The following PLCB1 variants were observed in gnomAD, a reference collection of about 807,000 sequenced individuals.
The protein encoded by PLCB1 is phospholipase C beta 1.
In PLCB1, 46 loss-of-function variants were observed where a neutral mutation model predicts 161.8. The observed-to-expected ratio is 0.28, with a 90% CI of 0.22 to 0.36. The LOEUF is 0.36. Among genes scored for constraint, PLCB1 ranks in the 10% least tolerant of loss-of-function variants. The probability of loss-of-function intolerance (pLI) is 1.00; values close to 1 mark genes in which losing one functional copy is unlikely to be tolerated. For synonymous variants in PLCB1, 517 were observed against 503.7 expected (o/e 1.03, Z -0.35); for missense variants, 1,016 against 1,472.5 (o/e 0.69, Z 5.07).
chr20:8,871,721 C>T (rs180833642), intron 31 of PLCB1, among the ~76,000 whole-genome samples: 22 of 152,214 alleles, frequency 1.4e-4, no homozygotes, highest in African/African-American at 5.3e-4. Flanking sequence ...CCACCAAGTA[C>T]CATAACTGAC....
intron 31 of PLCB1, among the ~76,000 whole-genome samples, chr20:8,873,101 G>A (rs893661383): frequency 5.3e-5 from 8 of 152,128 alleles, no homozygotes; most frequent in Admixed American, 5.2e-4. Flanking sequence ...TTTATTCTAA[G>A]GAAACTTAGT....
intron 31 of PLCB1, among the ~76,000 whole-genome samples, chr20:8,828,405 T>C (rs1985816743): frequency 6.6e-6 from 1 of 152,120 alleles, no homozygotes; most frequent in African/African-American, 2.4e-5. Flanking sequence ...ATTATCTTCC[T>C]TTTTTTTAAA....
chr20:8,661,408 G>C (rs1404337549), intron 9 of PLCB1, among the ~76,000 whole-genome samples: 2 of 152,084 alleles, frequency 1.3e-5, no homozygotes, highest in African/African-American at 4.8e-5. Context: ...CCAACGGCTA[G>C]AATATGGCTA....
At chr20:8,683,254 A>G (rs1418316298) in intron 9 of PLCB1, among the ~76,000 whole-genome samples, 3 of 152,234 alleles carry the variant, frequency 2.0e-5, no homozygotes, top group Non-Finnish European at 4.4e-5. Flanking sequence ...ATACACACCA[A>G]TGTTTTAGCA....
Position 8,259,177 on chromosome 20 carries a change from G to T in PLCB1, c.177+108806G>T, listed in dbSNP as rs576728992. ...CCCATTCCCCACTTGAAGGACATTT[G>T]TTTCTAGTTTTTGGTAATTACAACA... On this transcript the variant is annotated intron_variant, in intron 2 of 31. Coordinates refer to ENST00000338037, the MANE Select transcript of PLCB1 (RefSeq NM_015192.4). Among the ~76,000 whole-genome samples, 29 of 152,112 alleles carry T rather than the reference G, an allele frequency of 1.9e-4. 1 individual carries two copies. The highest frequency in any genetic ancestry group is 7.2e-4 in the Admixed American group (11 of 15,272).
intron 2 of PLCB1, among the ~76,000 whole-genome samples, chr20:8,187,692 C>T (rs2051920290): frequency 1.3e-5 from 2 of 152,084 alleles, no homozygotes; most frequent in African/African-American, 4.8e-5. Flanking sequence ...TTTTTTCCTT[C>T]TGCTTCTCAC....
intron 10 of PLCB1, among the ~76,000 whole-genome samples, chr20:8,688,011 C>T (rs556014443): frequency 1.3e-5 from 2 of 152,136 alleles, no homozygotes; most frequent in Admixed American, 1.3e-4. Context: ...TTTTTTGATT[C>T]TTGGATTATG....
chr20:8,141,318 T>G (rs2051400840), intron 1 of PLCB1, among the ~76,000 whole-genome samples: 1 of 152,120 alleles, frequency 6.6e-6, no homozygotes, highest in African/African-American at 2.4e-5. Flanking sequence ...AAAACCTCAT[T>G]GCTGCTTTGA....
At chr20:8,473,684 T>C (rs895596982) in intron 3 of PLCB1, among the ~76,000 whole-genome samples, 5 of 152,168 alleles carry the variant, frequency 3.3e-5, no homozygotes, top group Admixed American at 6.5e-5. Flanking sequence ...TTCTCCAAAA[T>C]AGAAAATGAC....
chr20:8,803,777 TTTTGTTTG>T (rs148420606), intron 31 of PLCB1, among the ~76,000 whole-genome samples: 50 of 151,136 alleles, frequency 3.3e-4, no homozygotes, highest in Middle Eastern at 3.4e-3. Context: ...GTTTTGTGTT[TTTTGTTTG>T]TTTGTTTGTT....
At chr20:8,321,956 A>G (rs1310801444) in intron 2 of PLCB1, among the ~76,000 whole-genome samples, 1 of 152,122 alleles carries the variant, frequency 6.6e-6, no homozygotes, top group Non-Finnish European at 1.5e-5. Context: ...GGGCATGCTG[A>G]AAGTATCAAG....
intron 2 of PLCB1, among the ~76,000 whole-genome samples, chr20:8,232,363 C>G (rs115865363): frequency 0.019 from 2,879 of 152,242 alleles, 67 homozygotes; most frequent in South Asian, 0.064. Flanking sequence ...GAAGTTCCAT[C>G]ATTTATAACC....
intron 4 of PLCB1, among the ~76,000 whole-genome samples, chr20:8,643,028 T>G (rs1490921862): frequency 6.6e-6 from 1 of 152,248 alleles, no homozygotes; most frequent in Non-Finnish European, 1.5e-5. Flanking sequence ...ATAGTTACTG[T>G]GAAATGCTCT....
chr20:8,247,641 A>AACACACACAC lies in PLCB1; in HGVS notation c.177+97287_177+97296dup, dbSNP rs113727213. ...CAGCACACACACACACATACACGCA[A>AACACACACAC]ACACACACACACACACACACACACA... is the stretch of plus-strand genomic sequence containing the variant. On this transcript the variant is annotated intron_variant, in intron 2 of 31. Coordinates refer to ENST00000338037, the MANE Select transcript of PLCB1 (RefSeq NM_015192.4). 6.3e-4 allele frequency among the ~76,000 whole-genome samples: 93 copies of AACACACACAC among 147,352 alleles called. 1 individual carries two copies. Among genetic ancestry groups the AACACACACAC allele is most frequent in the African/African-American group, 2.3e-3 (92 of 40,516 alleles).
intron 3 of PLCB1, among the ~76,000 whole-genome samples, chr20:8,500,932 T>C (rs1323992239): frequency 6.6e-6 from 1 of 152,198 alleles, no homozygotes; most frequent in Non-Finnish European, 1.5e-5. Flanking sequence ...CAGTTAACAA[T>C]TCCTGAAACC....
intron 2 of PLCB1, among the ~76,000 whole-genome samples, chr20:8,335,953 C>T (rs572812309): frequency 9.2e-5 from 14 of 152,294 alleles, no homozygotes; most frequent in Non-Finnish European, 2.1e-4. Flanking sequence ...GGCGCTGCTT[C>T]TAGAGGCACG....
At chr20:8,636,552 T>A (rs1988767714) in intron 4 of PLCB1, among the ~76,000 whole-genome samples, 2 of 152,188 alleles carry the variant, frequency 1.3e-5, no homozygotes, top group African/African-American at 4.8e-5. Context: ...ACATTCGTAT[T>A]AAAAAGATTT....
chr20:8,545,702 C>A (rs1985512333), intron 3 of PLCB1, among the ~76,000 whole-genome samples: 1 of 152,012 alleles, frequency 6.6e-6, no homozygotes, highest in Admixed American at 6.6e-5. Flanking sequence ...AAATTCCCAG[C>A]CAAAGTAAAA....
intron 23 of PLCB1, among the ~76,000 whole-genome samples, chr20:8,749,794 T>C (rs1449380557): frequency 1.3e-5 from 2 of 152,256 alleles, no homozygotes; most frequent in Non-Finnish European, 2.9e-5. Flanking sequence ...GAAAGCAGCA[T>C]CTTCACTCTT....
Sources: allele counts gnomAD v4.1 joint callset (sites outside exome capture counted in the v4.1 genomes callset), GRCh38; gene constraint gnomAD v4.1.1; transcripts MANE v1.5; gene names NCBI Gene and HGNC (gene_info 2026-07-23, HGNC 2026-07-21).